The following MALRD1 variants were observed in gnomAD, a reference collection of about 807,000 sequenced individuals.
The protein encoded by MALRD1 is MAM and LDL-receptor class A domain-containing protein 1.
In MALRD1, 247 loss-of-function variants were observed where a neutral mutation model predicts 242.1. The ratio of observed to expected loss-of-function variants is 1.02; its 90% CI spans 0.92 to 1.13. The LOEUF is 1.13. Among genes scored for constraint, MALRD1 ranks in the 50% most tolerant of loss-of-function variants. The pLI is 0.00. For synonymous variants in MALRD1, 995 were observed against 866.6 expected, an observed-to-expected ratio of 1.15 and a Z score of -2.60; for missense variants, 2,989 against 2,533.1, an observed-to-expected ratio of 1.18 and a Z score of -3.86.
In MALRD1 at chr10:19,060,024, T is replaced by C. The variant is rs576471340; in HGVS notation, c.200-6695T>C. ...GCAAGAAAAGTGTTATGTAGCAGGG[T>C]TAAATCGTGCATTGTCTAGTCCTAT... On this transcript the variant is annotated intron_variant, in intron 1 of 39. Coordinates refer to ENST00000454679, the MANE Select transcript of MALRD1 (RefSeq NM_001142308.3). Among the ~76,000 whole-genome samples, 13 of 152,334 alleles carry C rather than the reference T, an allele frequency of 8.5e-5. 1 individual carries two copies. The South Asian group carries it at 2.7e-3, about 32-fold the overall frequency.
chr10:19,163,136 CTAAAAAAAAAAAAAA>C (rs1238175079), intron 12 of MALRD1, among the ~76,000 whole-genome samples: 2 of 36,918 alleles, frequency 5.4e-5, no homozygotes, highest in African/African-American at 1.2e-4. Flanking sequence ...GAAACCCTGT[CTAAAAAAAAAAAAAA>C]AAAAAAAAAA....
intron 36 of MALRD1, among the ~76,000 whole-genome samples, chr10:19,659,503 A>C (rs1733577221): frequency 6.6e-6 from 1 of 152,152 alleles, no homozygotes; most frequent in Non-Finnish European, 1.5e-5. Flanking sequence ...ATATATAGAT[A>C]ACCTTAAATT....
chr10:19,678,113 G>A (rs1842211193), intron 36 of MALRD1, among the ~76,000 whole-genome samples: 1 of 152,130 alleles, frequency 6.6e-6, no homozygotes, highest in Non-Finnish European at 1.5e-5. Flanking sequence ...GATGCTTCCA[G>A]TTTTGTGCTT....
chr10:19,309,071 T>G (rs1488273025), intron 21 of MALRD1, among the ~76,000 whole-genome samples: 1 of 151,614 alleles, frequency 6.6e-6, no homozygotes, highest in Non-Finnish European at 1.5e-5. Flanking sequence ...TTAAGGTTTG[T>G]TCTATTACCA....
chr10:19,163,136 CTAAAAAAAAAAAAAAAAAA>C (rs1310762778), intron 12 of MALRD1, among the ~76,000 whole-genome samples: 1 of 36,912 alleles, frequency 2.7e-5, no homozygotes, highest in East Asian at 1.1e-3. Context: ...GAAACCCTGT[CTAAAAAAAAAAAAAAAAAA>C]AAAAAAAAAA....
rs189371178 is a variant in MALRD1 at position 19,601,498 on chromosome 10, T to C, written c.5944+6041T>C. Among the ~76,000 whole-genome samples the C allele has an allele frequency of 1.4e-3, 216 of 152,088 alleles. 1 individual carries two copies. The highest frequency in any genetic ancestry group is 7.8e-4 in the Non-Finnish European group (53 of 67,964). ...AAATTTATAAATATTAAATATAACA[T>C]TAATGCTATTTAAAATGCAACAGAA... is the stretch of plus-strand genomic sequence containing the variant. On this transcript the variant is annotated intron_variant, in intron 34 of 39. Transcript: ENST00000454679.
At chr10:19,329,412 A>AC (rs371714617) in intron 23 of MALRD1, among the ~76,000 whole-genome samples, 3,588 of 89,290 alleles carry the variant, frequency 0.04, 74 homozygotes, top group African/African-American at 0.087. Flanking sequence ...TTTATTTGGG[A>AC]CCCCCCCCCA....
Position 19,104,086 on chromosome 10 carries a change from T to G in MALRD1, c.694+11T>G. ...GCTTGCCTGCCAATGGTAAGAACTT[T>G]TTCTCTCATTTTGATCTTTACTGTG... On this transcript the variant is annotated intron_variant, in intron 5 of 39. Transcript: ENST00000454679. 1 of 1,212,426 alleles carries G rather than the reference T, an allele frequency of 8.2e-7. No individual in the cohort carries two copies. The highest frequency in any genetic ancestry group is 2.1e-4 in the Middle Eastern group (1 of 4,694). 75.1% of individuals were successfully genotyped at this position (1,212,426 alleles called of 1,614,324 possible).
At chr10:19,684,146 T>C (rs1842481520) in intron 36 of MALRD1, among the ~76,000 whole-genome samples, 1 of 152,174 alleles carries the variant, frequency 6.6e-6, no homozygotes, top group Admixed American at 6.6e-5. Flanking sequence ...ATATTTTAAC[T>C]TTAGTGAAGC....
At chr10:19,682,116 T>G (rs1180766756) in intron 36 of MALRD1, among the ~76,000 whole-genome samples, 1 of 152,230 alleles carries the variant, frequency 6.6e-6, no homozygotes, top group African/African-American at 2.4e-5. Context: ...TACTTTAGAC[T>G]TATTAGGACA....
At chr10:19,348,183 A>G (rs1419479450) in intron 25 of MALRD1, among the ~76,000 whole-genome samples, 165 bp downstream of exon 25, 2 of 152,150 alleles carry the variant, frequency 1.3e-5, no homozygotes, top group Non-Finnish European at 2.9e-5. Flanking sequence ...GTTCAGAATG[A>G]AGGGGAAGGA....
At chr10:19,323,325 C>T (rs956922129) in intron 21 of MALRD1, among the ~76,000 whole-genome samples, 1 of 152,050 alleles carries the variant, frequency 6.6e-6, no homozygotes, top group Admixed American at 6.6e-5. Flanking sequence ...ATTTTATTCA[C>T]ATTAAAATGA....
chr10:19,209,121 C>A (rs575201435), intron 17 of MALRD1, 147 bp from the exon 18 acceptor site: 29 of 611,490 alleles, frequency 4.7e-5, no homozygotes, highest in African/African-American at 4.7e-4. Context: ...AAAAAAAACA[C>A]TTCAGTGTTG....
At chr10:19,602,447 TTG>T (rs1308963290) in intron 34 of MALRD1, among the ~76,000 whole-genome samples, 1 of 149,010 alleles carries the variant, frequency 6.7e-6, no homozygotes, top group African/African-American at 2.5e-5. Flanking sequence ...CACGCGGTGT[TTG>T]TTTTTTTTTC....
At chr10:19,406,898 C>T (rs574165853) in intron 28 of MALRD1, among the ~76,000 whole-genome samples, 2 of 152,190 alleles carry the variant, frequency 1.3e-5, no homozygotes, top group South Asian at 2.1e-4. Context: ...CATAAAAACA[C>T]AAAATAGGAG....
intron 13 of MALRD1, among the ~76,000 whole-genome samples, chr10:19,170,000 C>A (rs1166984738): frequency 2.0e-5 from 3 of 152,130 alleles, no homozygotes. Flanking sequence ...CAGTGTGGTT[C>A]TTTTGATGTC....
chr10:19,719,195 C>CAT (rs375329335), intron 38 of MALRD1, among the ~76,000 whole-genome samples: 101 of 18,784 alleles, frequency 5.4e-3, no homozygotes, highest in Admixed American at 0.011. Flanking sequence ...TATATACATA[C>CAT]ATATATATAT....
At chr10:19,167,766 G>A (rs937593982) in intron 13 of MALRD1, among the ~76,000 whole-genome samples, 1 of 152,070 alleles carries the variant, frequency 6.6e-6, no homozygotes, top group African/African-American at 2.4e-5. Flanking sequence ...GCTCCCCCAG[G>A]TTACTCTTCT....
intron 25 of MALRD1, 55 bp from the exon 26 acceptor site, chr10:19,351,951 A>G: frequency 2.2e-6 from 3 of 1,370,420 alleles, no homozygotes; most frequent in Non-Finnish European, 3.0e-6. Context: ...TGAAAATAAT[A>G]TCATATTAAT....
Sources: allele counts gnomAD v4.1 joint callset (sites outside exome capture counted in the v4.1 genomes callset), GRCh38; gene constraint gnomAD v4.1.1; transcripts MANE v1.5; gene names NCBI Gene and HGNC (gene_info 2026-07-23, HGNC 2026-07-21).